Variants in UBL3 observed in about 807,000 individuals in gnomAD.
UBL3 encodes the protein ubiquitin-like protein 3.
UBL3 carries 6 observed loss-of-function variants against 18.4 expected under a neutral mutation model. That is an observed-to-expected ratio of 0.33 (90% CI 0.18 to 0.64). UBL3 has a LOEUF of 0.64. UBL3 is among the 30% of genes least tolerant of loss of function. The probability of loss-of-function intolerance (pLI) is 0.76; values close to 1 mark genes in which losing one functional copy is unlikely to be tolerated. For synonymous variants in UBL3, 49 were observed against 46.6 expected (o/e 1.05, Z -0.21); for missense variants, 109 against 142.9 (o/e 0.76, Z 1.21).
intron 1 of UBL3, among the ~76,000 whole-genome samples, chr13:29,802,580 A>T (rs1877800542): frequency 6.6e-6 from 1 of 152,250 alleles, no homozygotes. Flanking sequence ...GCAGGAGCTG[A>T]TAGATGAAGT....
intron 1 of UBL3, among the ~76,000 whole-genome samples, chr13:29,802,396 C>T (rs1198036441): frequency 6.6e-6 from 1 of 152,210 alleles, no homozygotes; most frequent in African/African-American, 2.4e-5. Flanking sequence ...TGAACTTTGG[C>T]AACCCAAAAT....
At chr13:29,771,045 T>C (rs1384155926) in intron 3 of UBL3, among the ~76,000 whole-genome samples, 2 of 152,058 alleles carry the variant, frequency 1.3e-5, no homozygotes, top group Non-Finnish European at 2.9e-5. Flanking sequence ...TATCTGTTTG[T>C]CCTATGTAAT....
chr13:29,790,378 G>A (rs550930224), intron 1 of UBL3, among the ~76,000 whole-genome samples: 1 of 152,190 alleles, frequency 6.6e-6, no homozygotes, highest in East Asian at 1.9e-4. Flanking sequence ...TTGAAGCCAT[G>A]CTACTGAACT....
intron 1 of UBL3, among the ~76,000 whole-genome samples, chr13:29,813,665 C>T (rs184434523): frequency 6.6e-6 from 1 of 152,152 alleles, no homozygotes; most frequent in African/African-American, 2.4e-5. Flanking sequence ...AAAGGACGTG[C>T]ATAGGTTATA....
At chr13:29,817,524 G>C (rs1163241286) in intron 1 of UBL3, among the ~76,000 whole-genome samples, 2 of 152,136 alleles carry the variant, frequency 1.3e-5, no homozygotes, top group Non-Finnish European at 2.9e-5. Context: ...GGAGGAACAG[G>C]AAAGAGACCA....
chr13:29,810,684 TG>T (rs1298175972), intron 1 of UBL3, among the ~76,000 whole-genome samples: 1 of 152,138 alleles, frequency 6.6e-6, no homozygotes, highest in African/African-American at 2.4e-5. Context: ...GTATTTTTAG[TG>T]TAACAGTGAG....
At chr13:29,839,366 A>G (rs910558324) in intron 1 of UBL3, among the ~76,000 whole-genome samples, 6 of 152,216 alleles carry the variant, frequency 3.9e-5, no homozygotes, top group African/African-American at 1.4e-4. Flanking sequence ...AGCACAAGGG[A>G]AGTTTTAAAA....
rs1876702164 is a variant in UBL3, at chr13:29,766,896, CA to C, written c.*358del. ...GAAAATAATGCCAATCTTTTTAATG[CA>C]AATTGTATTTGGAACACTTGATTTA... On this transcript the variant is annotated 3_prime_UTR_variant, in exon 5 of 5. Coordinates refer to ENST00000380680, the MANE Select transcript of UBL3 (RefSeq NM_007106.4). The C allele has an allele frequency of 5.8e-6, 1 of 171,300 alleles. No individual in the cohort carries two copies. Among genetic ancestry groups the C allele is most frequent in the South Asian group, 1.8e-4 (1 of 5,678 alleles). The allele number at this position is 171,300 out of a possible 1,614,324, so 10.6% of individuals were successfully genotyped here. A position where few individuals can be genotyped will look rare whatever the true frequency, so the allele number is the denominator to read the frequency against.
At chr13:29,827,787 C>T (rs1444504021) in intron 1 of UBL3, among the ~76,000 whole-genome samples, 1 of 152,160 alleles carries the variant, frequency 6.6e-6, no homozygotes, top group African/African-American at 2.4e-5. Flanking sequence ...ATGGTCTTTA[C>T]TATTTGGCAT....
chr13:29,842,134 C>CT lies in UBL3; in HGVS notation c.27+7377dup, dbSNP rs201006689. Among the ~76,000 whole-genome samples the CT allele has an allele frequency of 4.5e-3, 571 of 127,942 alleles. 22 individuals carry two copies. The highest frequency in any genetic ancestry group is 0.017 in the African/African-American group (509 of 29,572). The allele number at this position is 127,942 out of a possible 152,430, so 83.9% of individuals were successfully genotyped here. A position where few individuals can be genotyped will look rare whatever the true frequency, so the allele number is the denominator to read the frequency against. On this transcript the variant is annotated intron_variant, in intron 1 of 4. Transcript: ENST00000380680. ...ACTGAAAACTCCTCCCATTCTCTTT[C>CT]TTTTTTTTTTTTTTTTTTTTTTTTA... is the stretch of plus-strand genomic sequence containing the variant.
At chr13:29,778,009 T>C (rs9508552) in intron 1 of UBL3, among the ~76,000 whole-genome samples, 138,825 of 152,106 alleles carry the variant, frequency 0.91, 63,437 homozygotes, top group East Asian at 0.98. Context: ...TCAAGTGATC[T>C]GCCCACCTTA....
At chr13:29,779,555 T>C (rs1877089421) in intron 1 of UBL3, among the ~76,000 whole-genome samples, 1 of 152,212 alleles carries the variant, frequency 6.6e-6, no homozygotes, top group Non-Finnish European at 1.5e-5. Flanking sequence ...CTTTAGGATC[T>C]GTAAAGGTGA....
rs556952537 is a variant in UBL3, at chr13:29,819,251, T to C, written c.27+30261A>G. Among the ~76,000 whole-genome samples, 37 of 152,324 alleles carry C rather than the reference T, an allele frequency of 2.4e-4. No individual in the cohort carries two copies. The South Asian group carries it at 5.0e-3, about 20-fold the overall frequency. ...CCTAAGTGACTCTCTAAATATAATC[T>C]GAGAGAGTTAAACCCCATGTTTAGC... On this transcript the variant is annotated intron_variant, in intron 1 of 4. Transcript: ENST00000380680.
chr13:29,801,668 A>G (rs1229061767), intron 1 of UBL3, among the ~76,000 whole-genome samples: 2 of 152,158 alleles, frequency 1.3e-5, no homozygotes, highest in East Asian at 1.9e-4. Flanking sequence ...GGACCGGGGA[A>G]GGAGTGAAGA....
At chr13:29,791,386 C>T (rs1289909916) in intron 1 of UBL3, among the ~76,000 whole-genome samples, 1 of 152,142 alleles carries the variant, frequency 6.6e-6, no homozygotes, top group African/African-American at 2.4e-5. Flanking sequence ...CATCATAGGA[C>T]CCTATAAGAC....
intron 1 of UBL3, among the ~76,000 whole-genome samples, chr13:29,788,870 TGC>T (rs1555232763): frequency 4.3e-4 from 9 of 20,934 alleles, no homozygotes; most frequent in East Asian, 2.6e-3. Flanking sequence ...TGTGTGTGTG[TGC>T]GCGCGCGCGC....
At chr13:29,806,660 A>G (rs899488426) in intron 1 of UBL3, among the ~76,000 whole-genome samples, 2 of 152,194 alleles carry the variant, frequency 1.3e-5, no homozygotes, top group African/African-American at 4.8e-5. Flanking sequence ...TCTTTGCTTC[A>G]TTATAAATAC....
At chr13:29,803,750 A>C (rs1393602748) in intron 1 of UBL3, among the ~76,000 whole-genome samples, 1 of 152,198 alleles carries the variant, frequency 6.6e-6, no homozygotes, top group African/African-American at 2.4e-5. Flanking sequence ...TATCCTAAAC[A>C]TATCTGCACC....
intron 3 of UBL3, among the ~76,000 whole-genome samples, chr13:29,771,450 A>G (rs1455684217): frequency 6.6e-6 from 1 of 152,084 alleles, no homozygotes; most frequent in Non-Finnish European, 1.5e-5. Flanking sequence ...GCCAAGCACC[A>G]TTTATGCACG....
Sources: gnomAD v4.1 joint callset for allele counts (sites outside exome capture counted in the v4.1 genomes callset) on GRCh38, gnomAD v4.1.1 for gene constraint, MANE v1.5 for transcripts, NCBI Gene and HGNC (gene_info 2026-07-23, HGNC 2026-07-21) for gene names.